ZNF385B: variants seen among roughly 807,000 people sequenced by gnomAD.
ZNF385B encodes zinc finger protein 385B.
In ZNF385B, 23 loss-of-function variants were observed where a neutral mutation model predicts 39.2. The observed-to-expected ratio is 0.59, with a 90% CI of 0.42 to 0.83. The LOEUF (loss-of-function observed/expected upper bound fraction) is 0.83, where lower values mean the gene tolerates loss of function less well. ZNF385B is among the 40% of genes least tolerant of loss of function. The pLI is 0.00. For missense variants in ZNF385B, 552 were observed against 598.9 expected (o/e 0.92, Z 0.82); for synonymous variants, 205 against 222.6 (o/e 0.92, Z 0.70).
At chr2:179,520,171 TA>T (rs556188200) in intron 4 of ZNF385B, among the ~76,000 whole-genome samples, 2,154 of 145,590 alleles carry the variant, frequency 0.015, 48 homozygotes, top group African/African-American at 0.049. Flanking sequence ...GTCTCCATCT[TA>T]AAAAAAAAAA....
In ZNF385B at chr2:179,699,456, C is replaced by T. The variant is rs561366935; in HGVS notation, c.298+70047G>A. Among the ~76,000 whole-genome samples the T allele has an allele frequency of 4.6e-5, 7 of 152,288 alleles. No homozygotes were observed. In the South Asian group the frequency reaches 1.0e-3, roughly 23 times the overall value. ...AAATATTGCTGGCACTAGTGACACA[C>T]GCCATTTGTAGACATAATTGTGGAT... On this transcript the variant is annotated intron_variant, in intron 3 of 9. Transcript: ENST00000410066.
intron 3 of ZNF385B, among the ~76,000 whole-genome samples, chr2:179,692,431 A>G (rs1023920406): frequency 1.3e-5 from 2 of 152,132 alleles, no homozygotes; most frequent in Non-Finnish European, 2.9e-5. Flanking sequence ...CTTTAAAACT[A>G]GCTGTTCATT....
chr2:179,744,642 T>G (rs1443794411), intron 3 of ZNF385B, among the ~76,000 whole-genome samples: 1 of 151,878 alleles, frequency 6.6e-6, no homozygotes, highest in African/African-American at 2.4e-5. Context: ...TAGCTATAAC[T>G]TTAAAGCTGA....
chr2:179,651,817 T>C (rs7558364), intron 3 of ZNF385B, among the ~76,000 whole-genome samples: 51,595 of 152,034 alleles, frequency 0.34, 9,871 homozygotes, highest in Admixed American at 0.43. Flanking sequence ...AGCTAAGGTA[T>C]GAATCCAGTC....
At chr2:179,782,284 C>A (rs1022841817) in intron 1 of ZNF385B, among the ~76,000 whole-genome samples, 3 of 152,048 alleles carry the variant, frequency 2.0e-5, no homozygotes, top group Non-Finnish European at 2.9e-5. Flanking sequence ...AACTTCAACA[C>A]CCCTTCATGT....
intron 1 of ZNF385B, among the ~76,000 whole-genome samples, chr2:179,841,804 T>C (rs987266736): frequency 6.6e-6 from 1 of 152,190 alleles, no homozygotes. Flanking sequence ...AAGAATCATT[T>C]GAGAAGATCC....
intron 5 of ZNF385B, among the ~76,000 whole-genome samples, chr2:179,488,395 C>T (rs951387449): frequency 2.0e-5 from 3 of 152,176 alleles, no homozygotes; most frequent in African/African-American, 4.8e-5. Flanking sequence ...CCGCCCGCCT[C>T]GGTCTCCCAA....
intron 3 of ZNF385B, among the ~76,000 whole-genome samples, chr2:179,567,490 A>G (rs1227415576): frequency 6.6e-6 from 1 of 152,214 alleles, no homozygotes; most frequent in Non-Finnish European, 1.5e-5. Flanking sequence ...AGAGACTAAT[A>G]CAAAGACACA....
At chr2:179,506,214 A>G (rs922783485) in intron 5 of ZNF385B, among the ~76,000 whole-genome samples, 2 of 152,158 alleles carry the variant, frequency 1.3e-5, no homozygotes, top group African/African-American at 2.4e-5. Context: ...TTTGAAATCA[A>G]TAATGATAGT....
chr2:179,631,606 G>C (rs1691223496), intron 3 of ZNF385B, among the ~76,000 whole-genome samples: 1 of 152,134 alleles, frequency 6.6e-6, no homozygotes, highest in African/African-American at 2.4e-5. Context: ...TGAAGAAACT[G>C]CATCAACTAA....
chr2:179,472,452 T>C (rs1290200052), intron 6 of ZNF385B, among the ~76,000 whole-genome samples: 1 of 152,188 alleles, frequency 6.6e-6, no homozygotes, highest in East Asian at 1.9e-4. Context: ...CCATTTTGCT[T>C]GTTAAATGGG....
intron 5 of ZNF385B, among the ~76,000 whole-genome samples, chr2:179,497,199 T>G (rs1386095867): frequency 6.6e-6 from 1 of 152,042 alleles, no homozygotes; most frequent in Non-Finnish European, 1.5e-5. Context: ...CAATAAATAA[T>G]CACGTGAAGG....
At chr2:179,736,048 C>A (rs556067545) in intron 3 of ZNF385B, among the ~76,000 whole-genome samples, 1 of 151,836 alleles carries the variant, frequency 6.6e-6, no homozygotes, top group Non-Finnish European at 1.5e-5. Flanking sequence ...AAGCCTGTTC[C>A]TTAAATATAC....
At chr2:179,612,848 C>G (rs1606816) in intron 3 of ZNF385B, among the ~76,000 whole-genome samples, 50,381 of 152,116 alleles carry the variant, frequency 0.33, 8,696 homozygotes, top group Middle Eastern at 0.46. Flanking sequence ...GCCCTGGGAA[C>G]GTCTAGAGAT....
intron 3 of ZNF385B, among the ~76,000 whole-genome samples, chr2:179,633,463 C>T (rs1691434683): frequency 2.0e-5 from 3 of 152,302 alleles, no homozygotes; most frequent in Admixed American, 1.3e-4. Context: ...ACCTGATTAT[C>T]TCAATAGATA....
intron 3 of ZNF385B, among the ~76,000 whole-genome samples, chr2:179,735,202 C>A (rs1450164265): frequency 6.6e-6 from 1 of 151,024 alleles, no homozygotes; most frequent in African/African-American, 2.4e-5. Context: ...ACAAACAACC[C>A]CATCAAAAAG....
Position 179,624,317 on chromosome 2 carries a change from T to C in ZNF385B, c.299-79348A>G, listed in dbSNP as rs182307742. Among the ~76,000 whole-genome samples, 48 of 152,300 alleles carry C rather than the reference T, an allele frequency of 3.2e-4. No individual in the cohort carries two copies. The Middle Eastern group carries it at 0.01, about 32-fold the overall frequency. On this transcript the variant is annotated intron_variant, in intron 3 of 9. Coordinates refer to ENST00000410066, the MANE Select transcript of ZNF385B (RefSeq NM_152520.6). ...ACTCCCCACCATCACCCGCATTTTG[T>C]GGCTTATCTTTACTAGGATGTTCTT...
chr2:179,683,050 T>G (rs1330788440), intron 3 of ZNF385B, among the ~76,000 whole-genome samples: 1 of 151,974 alleles, frequency 6.6e-6, no homozygotes, highest in African/African-American at 2.4e-5. Flanking sequence ...AAATATTAGG[T>G]ACAATTAAAA....
chr2:179,773,599 T>C (rs896620875), intron 1 of ZNF385B, among the ~76,000 whole-genome samples: 1 of 152,172 alleles, frequency 6.6e-6, no homozygotes, highest in African/African-American at 2.4e-5. Context: ...TTTAATTATT[T>C]ATATAGTTTT....
Sources: allele counts gnomAD v4.1 joint callset (sites outside exome capture counted in the v4.1 genomes callset), GRCh38; gene constraint gnomAD v4.1.1; transcripts MANE v1.5; gene names NCBI Gene and HGNC (gene_info 2026-07-23, HGNC 2026-07-21).